COL9A2: variants seen among roughly 807,000 people sequenced by gnomAD.
The protein encoded by COL9A2 is collagen type IX alpha 2 chain.
Under a neutral mutation model 111.6 loss-of-function variants are expected in COL9A2, and 66 were observed. The ratio of observed to expected loss-of-function variants is 0.59; its 90% CI spans 0.48 to 0.73. The LOEUF is 0.73. Ranked by LOEUF, COL9A2 falls within the 30% of genes least tolerant of loss-of-function variation. The pLI, the probability that COL9A2 is intolerant of heterozygous loss-of-function variation, is 0.00. For missense variants in COL9A2, 881 were observed against 954.1 expected, an observed-to-expected ratio of 0.92 and a Z score of 1.01; for synonymous variants, 353 against 364.1, an observed-to-expected ratio of 0.97 and a Z score of 0.35.
chr1:40,302,822 AGG>A lies in COL9A2; in HGVS notation c.1604-15_1604-14del. 2.1e-6 allele frequency: 1 copy of A among 468,616 alleles called. No individual in the cohort carries two copies. Among genetic ancestry groups the A allele is most frequent in the Non-Finnish European group, 4.3e-6 (1 of 234,676 alleles). 29.0% of individuals were successfully genotyped at this position (468,616 alleles called of 1,614,324 possible). ...TCTGCCAGTTGCTCTGGAGGGAGGG[AGG>A]GAGGGAGGGAGAGGGAAGTCTATGA... is the stretch of plus-strand genomic sequence containing the variant. On this transcript the variant is annotated splice_polypyrimidine_tract_variant and intron_variant, in intron 29 of 31. Coordinates refer to ENST00000372748, the MANE Select transcript of COL9A2 (RefSeq NM_001852.4). The surrounding 1 kb of genome is among the most constrained non-coding windows in gnomAD (Gnocchi z 4.5).
Position 40,315,594 on chromosome 1 carries a change from A to G in COL9A2, c.146T>C (p.Ile49Thr). The G allele has an allele frequency of 6.4e-7, 1 of 1,552,082 alleles. No homozygotes were observed. The highest frequency in any genetic ancestry group is 8.7e-7 in the Non-Finnish European group (1 of 1,147,090). Residue 49 changes from isoleucine (I) to threonine (T), a missense_variant, in exon 2 of 32, where the codon ATC becomes ACC. Coordinates refer to ENST00000372748, the MANE Select transcript of COL9A2 (RefSeq NM_001852.4). ...GGTCTCAGGTTAGAGACTTACGTCG[A>G]TGCCGTCGGATCCAGGCACTCCCGG... is the stretch of plus-strand genomic sequence containing the variant. ...GPPGVPGSDG[I>T]DGDNGPPGKA...
rs1375786790 is a variant in COL9A2 at position 40,300,552 on chromosome 1, T to C, written c.*630A>G. 6.6e-6 allele frequency: 1 copy of C among 152,396 alleles called. No individual in the cohort carries two copies. Among genetic ancestry groups the C allele is most frequent in the African/African-American group, 2.4e-5 (1 of 41,418 alleles). The allele number at this position is 152,396 out of a possible 1,614,324, so 9.4% of individuals were successfully genotyped here. A position where few individuals can be genotyped will look rare whatever the true frequency, so the allele number is the denominator to read the frequency against. On this transcript the variant is annotated 3_prime_UTR_variant, in exon 32 of 32. Coordinates refer to ENST00000372748, the MANE Select transcript of COL9A2 (RefSeq NM_001852.4). The surrounding 1 kb of genome is among the most constrained non-coding windows in gnomAD (Gnocchi z 4.4). ...GGTTTGTACCCAACTTGGGAGCTTT[T>C]ATTTACAGAAAGGCCTGGGTGGATC...
chr1:40,309,321 AAAAAG>A (rs1160088469), intron 16 of COL9A2, among the ~76,000 whole-genome samples: 2 of 152,092 alleles, frequency 1.3e-5, no homozygotes, highest in African/African-American at 4.8e-5. Context: ...TTTAATTTTT[AAAAAG>A]AAAAGAAAAT....
Position 40,302,904 on chromosome 1 carries a change from C to T in COL9A2, c.1604-95G>A. The T allele has an allele frequency of 7.5e-7, 1 of 1,340,638 alleles. No individual in the cohort carries two copies. 83.0% of individuals were successfully genotyped at this position (1,340,638 alleles called of 1,614,324 possible). ...GCAGAGCATTCCGATGGGCCCTGGC[C>T]CCTAGGTTTGCAGACAGAAAAGCAC... is the stretch of plus-strand genomic sequence containing the variant. On this transcript the variant is annotated intron_variant, in intron 29 of 31. Coordinates refer to ENST00000372748, the MANE Select transcript of COL9A2 (RefSeq NM_001852.4). This position sits in a 1 kb window ranked among gnomAD's most constrained non-coding sequence, Gnocchi z 4.5.
intron 20 of COL9A2, 152 bp from the exon 21 acceptor site, chr1:40,305,920 T>C: frequency 1.2e-6 from 1 of 843,434 alleles, no homozygotes; most frequent in Non-Finnish European, 2.0e-6. Flanking sequence ...CTCCTGATTT[T>C]CCTGTTTGTT....
Position 40,317,222 on chromosome 1 carries a change from CG to C in COL9A2, c.-26del, listed in dbSNP as rs765953379. ...TGGCTGGCGGCGAGACCAAGGGGGA[CG>C]GGTGCGTGTCCGCGCACGCACCGAC... On this transcript the variant is annotated 5_prime_UTR_variant, in exon 1 of 32. Transcript: ENST00000372748. The surrounding 1 kb of genome is among the most constrained non-coding windows in gnomAD (Gnocchi z 4.3). The C allele has an allele frequency of 2.2e-5, 30 of 1,359,470 alleles. No homozygotes were observed. Among genetic ancestry groups the C allele is most frequent in the Non-Finnish European group, 2.8e-5 (29 of 1,024,620 alleles). The allele number at this position is 1,359,470 out of a possible 1,614,324, so 84.2% of individuals were successfully genotyped here.
chr1:40,305,108 C>T lies in COL9A2; in HGVS notation c.1108-261G>A, dbSNP rs113784463. Reference sequence around the variant, plus strand: ...TTTGAGAGGGAGTCTTGCTCTGTCACCCAGGCTGGAATGCAGTGGCGCGAT... The same window carrying T: ...TTTGAGAGGGAGTCTTGCTCTGTCATCCAGGCTGGAATGCAGTGGCGCGAT... On this transcript the variant is annotated intron_variant, in intron 21 of 31. Transcript: ENST00000372748. 0.053 allele frequency: 17,375 copies of T among 328,706 alleles called. 1,388 individuals carry two copies. Among genetic ancestry groups the T allele is most frequent in the African/African-American group, 0.2 (8,477 of 41,592 alleles). 20.4% of individuals were successfully genotyped at this position (328,706 alleles called of 1,614,324 possible). A position where few individuals can be genotyped will look rare whatever the true frequency, so the allele number is the denominator to read the frequency against.
rs1451124318 is a variant in COL9A2 at position 40,310,703 on chromosome 1, G to A, written c.684+11C>T. On this transcript the variant is annotated intron_variant, in intron 13 of 31. Transcript: ENST00000372748. The surrounding 1 kb of genome is among the most constrained non-coding windows in gnomAD (Gnocchi z 4.9). ...GGGAGAAGAGGGCCACTGAGGCAAGGTGTTCCTTACCGGTGGTCCAGGGAT... is the reference window on the plus strand; with the variant it reads ...GGGAGAAGAGGGCCACTGAGGCAAGATGTTCCTTACCGGTGGTCCAGGGAT... The A allele has an allele frequency of 6.4e-7, 1 of 1,566,910 alleles. No individual in the cohort carries two copies. Among genetic ancestry groups the A allele is most frequent in the Non-Finnish European group, 8.7e-7 (1 of 1,154,970 alleles).
At chr1:40,309,801 T>C (rs1644089843) in intron 16 of COL9A2, 137 bp downstream of exon 16, 3 of 847,740 alleles carry the variant, frequency 3.5e-6, no homozygotes, top group Non-Finnish European at 6.1e-6. Context: ...ACACACACAC[T>C]ACACACTCAC....
intron 2 of COL9A2, among the ~76,000 whole-genome samples, chr1:40,315,026 T>TG (rs1358483789): frequency 6.6e-5 from 10 of 151,564 alleles, no homozygotes; most frequent in South Asian, 2.1e-4. Context: ...ATCCTGTGTT[T>TG]GGGGGGTGGG....
Position 40,311,639 on chromosome 1 carries a change from G to C in COL9A2, c.471+23C>G. The C allele has an allele frequency of 1.2e-6, 2 of 1,613,850 alleles. No individual in the cohort carries two copies. Among genetic ancestry groups the C allele is most frequent in the Non-Finnish European group, 1.7e-6 (2 of 1,179,756 alleles). On this transcript the variant is annotated intron_variant, in intron 9 of 31. Coordinates refer to ENST00000372748, the MANE Select transcript of COL9A2 (RefSeq NM_001852.4). The surrounding 1 kb of genome is among the most constrained non-coding windows in gnomAD (Gnocchi z 5.1). ...TTCTCCTTCCCCTGCACTTTGCCAT[G>C]TCGGGGGTCTGGGGACACTTACAGG...
rs756240862 is a variant in COL9A2, at chr1:40,310,664, G to C, written c.684+50C>G. On this transcript the variant is annotated intron_variant, in intron 13 of 31. Coordinates refer to ENST00000372748, the MANE Select transcript of COL9A2 (RefSeq NM_001852.4). This position sits in a 1 kb window ranked among gnomAD's most constrained non-coding sequence, Gnocchi z 4.9. ...TGAGCAGGGGAATGACTCCATGAAG[G>C]GCTCCTGGGGTGAGGGAGAAGAGGG... is the stretch of plus-strand genomic sequence containing the variant. 10 of 1,477,724 alleles carry C rather than the reference G, an allele frequency of 6.8e-6. No individual in the cohort carries two copies. In the South Asian group the frequency reaches 1.1e-4, roughly 16 times the overall value. The allele number at this position is 1,477,724 out of a possible 1,614,324, so 91.5% of individuals were successfully genotyped here. A position where few individuals can be genotyped will look rare whatever the true frequency, so the allele number is the denominator to read the frequency against.
chr1:40,305,875 C>T (rs6676129), intron 20 of COL9A2, 107 bp from the exon 21 acceptor site: 39 of 1,005,466 alleles, frequency 3.9e-5, no homozygotes, highest in African/African-American at 2.4e-4. Context: ...TGAGCTGGGA[C>T]GGGGGAGAGG....
chr1:40,313,607 T>C (rs546383309), intron 4 of COL9A2, among the ~76,000 whole-genome samples: 8 of 152,302 alleles, frequency 5.3e-5, no homozygotes, highest in Non-Finnish European at 8.8e-5. Flanking sequence ...CTGGTGACTG[T>C]CCCAGCCCTG....
At chr1:40,315,163 G>A (rs1277910414) in intron 2 of COL9A2, 9 of 946,668 alleles carry the variant, frequency 9.5e-6, no homozygotes, top group Non-Finnish European at 1.1e-5. Flanking sequence ...CTAAATCGGG[G>A]AGAGAAAACC....
At chr1:40,304,243 A>G (rs1643983128) in intron 24 of COL9A2, 77 bp downstream of exon 24, 1 of 1,534,780 alleles carries the variant, frequency 6.5e-7, no homozygotes. Flanking sequence ...AGGCTCCGGA[A>G]GGATCTGAGT....
At position 40,305,913 on chromosome 1, in the gene COL9A2, C is replaced by T. The variant is rs1397810866; in HGVS notation, c.1054-145G>A. 4.8e-6 allele frequency: 4 copies of T among 841,668 alleles called. No homozygotes were observed. The African/African-American group carries it at 5.1e-5, about 11-fold the overall frequency. The allele number at this position is 841,668 out of a possible 1,614,324, so 52.1% of individuals were successfully genotyped here. ...ATTCTTGGTTCAATCCTCTTGGCTC[C>T]TGATTTTCCTGTTTGTTTCTCCTCT... On this transcript the variant is annotated intron_variant, in intron 20 of 31. Coordinates refer to ENST00000372748, the MANE Select transcript of COL9A2 (RefSeq NM_001852.4).
Position 40,311,301 on chromosome 1 carries a change from T to C in COL9A2, c.520-15A>G, listed in dbSNP as rs1644120512. On this transcript the variant is annotated splice_polypyrimidine_tract_variant and intron_variant, in intron 10 of 31. Transcript: ENST00000372748. The surrounding 1 kb of genome is among the most constrained non-coding windows in gnomAD (Gnocchi z 5.1). ...TTGGTTGGACACTGGAAACAGAAAA[T>C]CCCACAGGGTCCTGTGATCAGCTGG... The C allele has an allele frequency of 6.2e-7, 1 of 1,612,882 alleles. No homozygotes were observed. Among genetic ancestry groups the C allele is most frequent in the Non-Finnish European group, 8.5e-7 (1 of 1,179,566 alleles).
At position 40,302,227 on chromosome 1, in the gene COL9A2, G is replaced by A. The variant is rs918802441; in HGVS notation, c.1793-338C>T. The stretch of plus-strand genomic sequence containing the variant: ...GTACTTTCAGTGTCCCCATTTTACA[G>A]ATAGTAAACCTAAGGCCCAGGGAAA... On this transcript the variant is annotated intron_variant, in intron 30 of 31. Transcript: ENST00000372748. This position sits in a 1 kb window ranked among gnomAD's most constrained non-coding sequence, Gnocchi z 4.5. Among the ~76,000 whole-genome samples the A allele has an allele frequency of 5.3e-5, 8 of 152,128 alleles. No homozygotes were observed. Among genetic ancestry groups the A allele is most frequent in the Non-Finnish European group, 1.0e-4 (7 of 68,020 alleles).
Sources: gnomAD v4.1 joint callset for allele counts (sites outside exome capture counted in the v4.1 genomes callset) on GRCh38, gnomAD v4.1.1 for gene constraint, Gnocchi (gnomAD v3.1) non-coding constraint, MANE v1.5 for transcripts, NCBI Gene and HGNC (gene_info 2026-07-23, HGNC 2026-07-21) for gene names.